Variants in ZNF605 observed in about 807,000 individuals in gnomAD.
ZNF605 encodes the protein zinc finger protein 605.
Under a neutral mutation model 7.9 loss-of-function variants are expected in ZNF605, and 9 were observed. The observed-to-expected ratio is 1.14, with a 90% CI of 0.68 to 1.98. The LOEUF is 1.98. ZNF605 is among the 30% of genes most tolerant of loss of function. The pLI, the probability that ZNF605 is intolerant of heterozygous loss-of-function variation, is 0.00. For synonymous variants in ZNF605, 255 were observed against 260.1 expected (o/e 0.98, Z 0.19); for missense variants, 673 against 762.4 (o/e 0.88, Z 1.38).
At position 132,926,431 on chromosome 12, in the gene ZNF605, A is replaced by C. The variant is rs1366399319; in HGVS notation, c.868T>G (p.Phe290Val). The C allele has an allele frequency of 6.2e-7, 1 of 1,614,062 alleles. No individual in the cohort carries two copies. The highest frequency in any genetic ancestry group is 8.5e-7 in the Non-Finnish European group (1 of 1,179,998). ...PYSCSECGKA[F>V]SQKLKLITHQ... ...GTGATGAGTTTTAATTTCTGGGAGA[A>C]TGCTTTCCCACACTCACTGCAACTG... The change falls in exon 5 of 5, where the codon TTC becomes GTC. Residue 290 changes from phenylalanine (F) to valine (V), a missense_variant. Physicochemically the swap from Phe to Val is conservative, Grantham distance 50. Coordinates refer to ENST00000360187, the MANE Select transcript of ZNF605 (RefSeq NM_183238.4).
chr12:132,926,318 A>G lies in ZNF605; in HGVS notation c.981T>C (p.His327=). The G allele has an allele frequency of 6.2e-7, 1 of 1,614,150 alleles. No individual in the cohort carries two copies. The highest frequency in any genetic ancestry group is 1.6e-4 in the Middle Eastern group (1 of 6,062). The change falls in exon 5 of 5, where the codon CAT becomes CAC. Residue 327 remains histidine (H), a synonymous_variant. Coordinates refer to ENST00000360187, the MANE Select transcript of ZNF605 (RefSeq NM_183238.4). The stretch of plus-strand genomic sequence containing the variant: ...GTTTCTTCCCTGTGTGGGTCCTCTG[A>G]TGAGTAATCAGCTGCGACTTCCAAA... ...AFFWKSQLIT[H]QRTHTGKKPY...
intron 3 of ZNF605, among the ~76,000 whole-genome samples, chr12:132,937,739 T>C (rs1952382914): frequency 6.6e-6 from 1 of 152,246 alleles, no homozygotes; most frequent in African/African-American, 2.4e-5. Flanking sequence ...TGAAAATTTA[T>C]ATTCAAACCT....
intron 3 of ZNF605, among the ~76,000 whole-genome samples, chr12:132,934,666 G>A (rs377283267): frequency 8.6e-4 from 124 of 143,944 alleles, no homozygotes; most frequent in African/African-American, 3.0e-3. Flanking sequence ...AGATTGTGCC[G>A]CTGCACTCCA....
chr12:132,937,377 A>G (rs1056215155), intron 3 of ZNF605, among the ~76,000 whole-genome samples: 54 of 151,932 alleles, frequency 3.6e-4, no homozygotes, highest in African/African-American at 1.1e-3. Context: ...AAAAAAAAAA[A>G]AAAGAAAATG....
At chr12:132,942,926 GCTGTT>G (rs1478910078) in intron 3 of ZNF605, among the ~76,000 whole-genome samples, 1 of 152,156 alleles carries the variant, frequency 6.6e-6, no homozygotes, top group Non-Finnish European at 1.5e-5. Flanking sequence ...GCCATGGTCT[GCTGTT>G]GCCTCAGACG....
At chr12:132,944,488 G>A (rs940817879) in intron 3 of ZNF605, among the ~76,000 whole-genome samples, 4 of 152,144 alleles carry the variant, frequency 2.6e-5, no homozygotes, top group South Asian at 2.1e-4. Context: ...CAACAGGAGC[G>A]GCATTTCCAT....
intron 1 of ZNF605, among the ~76,000 whole-genome samples, chr12:132,953,889 G>A (rs1480925575): frequency 1.3e-5 from 2 of 151,988 alleles, no homozygotes; most frequent in East Asian, 3.9e-4. Flanking sequence ...TTGATCCCAA[G>A]CCCTCCGATC....
chr12:132,950,524 C>G (rs1251133133), intron 1 of ZNF605, among the ~76,000 whole-genome samples: 5 of 151,460 alleles, frequency 3.3e-5, no homozygotes, highest in Non-Finnish European at 7.4e-5. Context: ...TGCACACACA[C>G]AGACGCACAC....
At position 132,925,951 on chromosome 12, in the gene ZNF605, C is replaced by A; in HGVS notation, c.1348G>T (p.Glu450Ter). 1 of 1,613,494 alleles carries A rather than the reference C, an allele frequency of 6.2e-7. No individual in the cohort carries two copies. The highest frequency in any genetic ancestry group is 8.5e-7 in the Non-Finnish European group (1 of 1,179,826). ...AAGGCCTTCCCACACTCACTGCATT[C>A]ATAAGGCTTCTCCCCAGTGTGTGTT... ...HRTHTGEKPY[E>*]CSECGKAFTQ... The change falls in exon 5 of 5, where the codon GAA becomes TAA. Residue 450 changes from glutamate to a stop codon, truncating the protein, a stop_gained. Transcript: ENST00000360187. LOFTEE classifies it low-confidence loss of function (END_TRUNC).
intron 1 of ZNF605, among the ~76,000 whole-genome samples, chr12:132,950,913 TACAC>T (rs1952554836): frequency 6.7e-6 from 1 of 150,158 alleles, no homozygotes; most frequent in Non-Finnish European, 1.5e-5. Flanking sequence ...CACATACTGA[TACAC>T]ACGTAACGTA....
intron 4 of ZNF605, chr12:132,932,817 A>C: frequency 6.5e-7 from 1 of 1,531,772 alleles, no homozygotes; most frequent in South Asian, 1.2e-5. Context: ...TGTCGATTGG[A>C]AACACAGAGG....
At chr12:132,934,524 T>A (rs1483877238) in intron 3 of ZNF605, among the ~76,000 whole-genome samples, 1 of 151,614 alleles carries the variant, frequency 6.6e-6, no homozygotes, top group Non-Finnish European at 1.5e-5. Flanking sequence ...TGGCCAGCAC[T>A]GTAAAACCCC....
intron 4 of ZNF605, among the ~76,000 whole-genome samples, chr12:132,931,943 T>C (rs1016812056): frequency 6.6e-6 from 1 of 152,178 alleles, no homozygotes; most frequent in African/African-American, 2.4e-5. Context: ...TGTGTGTGTG[T>C]GTTTTTGTTT....
chr12:132,951,653 T>C (rs1418432226), intron 1 of ZNF605, among the ~76,000 whole-genome samples: 1 of 150,320 alleles, frequency 6.7e-6, no homozygotes, highest in East Asian at 2.0e-4. Flanking sequence ...GATGCACACG[T>C]ACATCCCACA....
At position 132,921,141 on chromosome 12, in the gene ZNF605, AAAT is replaced by A. The variant is rs1441604014; in HGVS notation, c.*4229_*4231del. 4.8e-5 allele frequency: 7 copies of A among 145,216 alleles called. No homozygotes were observed. Among genetic ancestry groups the A allele is most frequent in the Admixed American group, 1.4e-4 (2 of 14,596 alleles). 9.0% of individuals were successfully genotyped at this position (145,216 alleles called of 1,614,324 possible). A position where few individuals can be genotyped will look rare whatever the true frequency, so the allele number is the denominator to read the frequency against. On this transcript the variant is annotated 3_prime_UTR_variant, in exon 5 of 5. Coordinates refer to ENST00000360187, the MANE Select transcript of ZNF605 (RefSeq NM_183238.4). Reference sequence around the variant, plus strand: ...TGCACCCAGCCTCTCATGGCTAATTAAATTTTTTTTTTGTAGAGATGAGTCTTG... The same window carrying A: ...TGCACCCAGCCTCTCATGGCTAATTATTTTTTTTTGTAGAGATGAGTCTTG...
At chr12:132,934,141 T>C (rs1952335087) in intron 3 of ZNF605, among the ~76,000 whole-genome samples, 1 of 151,418 alleles carries the variant, frequency 6.6e-6, no homozygotes, top group Non-Finnish European at 1.5e-5. Flanking sequence ...TAGCTGGGGG[T>C]GGTGGTGGGC....
At position 132,945,750 on chromosome 12, in the gene ZNF605, T is replaced by A; in HGVS notation, c.-115A>T. The A allele has an allele frequency of 2.1e-6, 3 of 1,444,206 alleles. No homozygotes were observed. The highest frequency in any genetic ancestry group is 1.4e-5 in the African/African-American group (1 of 71,352). The allele number at this position is 1,444,206 out of a possible 1,614,324, so 89.5% of individuals were successfully genotyped here. On this transcript the variant is annotated 5_prime_UTR_variant, in exon 3 of 5. Transcript: ENST00000360187. ...AGAATACATCCTTGGTCTTGTGGGCTCTTCTTTCTTATCTCACATGAATTG... is the reference window on the plus strand; with the variant it reads ...AGAATACATCCTTGGTCTTGTGGGCACTTCTTTCTTATCTCACATGAATTG...
chr12:132,932,949 G>T, intron 4 of ZNF605, 86 bp downstream of exon 4: 2 of 1,466,808 alleles, frequency 1.4e-6, no homozygotes, highest in South Asian at 1.4e-5. Context: ...AATAATCTTT[G>T]ACATGTAAAA....
chr12:132,923,776 T>G lies in ZNF605; in HGVS notation c.*1597A>C, dbSNP rs1202578031. ...TAGCCATTATTTATTCAAATACTTC[T>G]TCATGCCTCTTCATTTTCTCCTCTC... is the stretch of plus-strand genomic sequence containing the variant. On this transcript the variant is annotated 3_prime_UTR_variant, in exon 5 of 5. Coordinates refer to ENST00000360187, the MANE Select transcript of ZNF605 (RefSeq NM_183238.4). 1 of 152,214 alleles carries G rather than the reference T, an allele frequency of 6.6e-6. No homozygotes were observed. The highest frequency in any genetic ancestry group is 1.9e-4 in the East Asian group (1 of 5,204). The allele number at this position is 152,214 out of a possible 1,614,324, so 9.4% of individuals were successfully genotyped here.
Sources: gnomAD v4.1 joint callset for allele counts (sites outside exome capture counted in the v4.1 genomes callset) on GRCh38, gnomAD v4.1.1 for gene constraint, MANE v1.5 for transcripts, NCBI Gene and HGNC (gene_info 2026-07-23, HGNC 2026-07-21) for gene names.